Variants in IGF2BP2 observed in about 807,000 individuals in gnomAD.
IGF2BP2 encodes the protein insulin like growth factor 2 mRNA binding protein 2, also known as insulin-like growth factor 2 mRNA-binding protein 2.
Under a neutral mutation model 75.8 loss-of-function variants are expected in IGF2BP2, and 17 were observed. The ratio of observed to expected loss-of-function variants is 0.22; its 90% confidence interval spans 0.15 to 0.34. The LOEUF (loss-of-function observed/expected upper bound fraction) is 0.34. Ranked by LOEUF, IGF2BP2 falls within the 10% of genes least tolerant of loss-of-function variation. IGF2BP2 has a pLI of 1.00. For synonymous variants in IGF2BP2, 288 were observed against 295.6 expected, an observed-to-expected ratio of 0.97 and a Z score of 0.26; for missense variants, 516 against 772.4, an observed-to-expected ratio of 0.67 and a Z score of 3.93.
chr3:185,785,584 C>T (rs919222395), intron 2 of IGF2BP2, among the ~76,000 whole-genome samples: 1 of 151,664 alleles, frequency 6.6e-6, no homozygotes, highest in Non-Finnish European at 1.5e-5. Flanking sequence ...CTTGGGAGAC[C>T]AAGGTAGAAG....
chr3:185,761,375 A>G (rs187031454), intron 2 of IGF2BP2, among the ~76,000 whole-genome samples: 12 of 152,314 alleles, frequency 7.9e-5, no homozygotes, highest in Non-Finnish European at 1.8e-4. Flanking sequence ...AAGAAAACAG[A>G]CATGGAAGGT....
intron 2 of IGF2BP2, among the ~76,000 whole-genome samples, chr3:185,802,897 A>C (rs1230870917): frequency 1.3e-5 from 2 of 152,240 alleles, no homozygotes; most frequent in East Asian, 1.9e-4. Context: ...CTAATGTAGC[A>C]GGGGTAAGCC....
intron 15 of IGF2BP2, chr3:185,646,741 C>T: frequency 2.4e-6 from 1 of 418,064 alleles, no homozygotes; most frequent in Non-Finnish European, 4.5e-6. Context: ...TGCCCTTAAA[C>T]ACTGCAGGGG....
At chr3:185,710,508 G>A (rs1466239772) in intron 2 of IGF2BP2, among the ~76,000 whole-genome samples, 1 of 152,140 alleles carries the variant, frequency 6.6e-6, no homozygotes, top group East Asian at 1.9e-4. Flanking sequence ...CGAGGCGGGC[G>A]GATCACTTGA....
At chr3:185,699,368 G>A (rs1306508497) in intron 2 of IGF2BP2, among the ~76,000 whole-genome samples, 1 of 152,114 alleles carries the variant, frequency 6.6e-6, no homozygotes, top group Non-Finnish European at 1.5e-5. Flanking sequence ...GCTCAAACAG[G>A]ACAGGTGAGG....
intron 7 of IGF2BP2, among the ~76,000 whole-genome samples, chr3:185,682,276 C>A (rs1031960322): frequency 2.0e-5 from 3 of 152,116 alleles, no homozygotes; most frequent in African/African-American, 7.2e-5. Context: ...TAATCACCTG[C>A]ATTAATTAAT....
At chr3:185,659,838 A>G in intron 10 of IGF2BP2, among the ~76,000 whole-genome samples, 1 of 151,230 alleles carries the variant, frequency 6.6e-6, no homozygotes, top group East Asian at 2.0e-4. Context: ...CTCGTTGACT[A>G]GGCTGGAGTG....
chr3:185,695,546 A>C (rs1202245617), intron 4 of IGF2BP2, among the ~76,000 whole-genome samples: 1 of 152,234 alleles, frequency 6.6e-6, no homozygotes, highest in Non-Finnish European at 1.5e-5. Context: ...AGGCAAAAAT[A>C]ATCTTTATCA....
intron 2 of IGF2BP2, among the ~76,000 whole-genome samples, chr3:185,760,566 C>T (rs920439495): frequency 3.3e-5 from 5 of 152,212 alleles, no homozygotes; most frequent in African/African-American, 2.4e-5. Context: ...CGCCCCTTCC[C>T]GGCCCCTGGC....
chr3:185,658,813 G>A (rs1441310268), intron 10 of IGF2BP2, among the ~76,000 whole-genome samples: 2 of 152,148 alleles, frequency 1.3e-5, no homozygotes, highest in South Asian at 2.1e-4. Context: ...ATGATGAGTC[G>A]TAGATGAAAA....
chr3:185,824,165 G>C (rs1454071698), intron 1 of IGF2BP2, among the ~76,000 whole-genome samples: 1 of 151,758 alleles, frequency 6.6e-6, no homozygotes, highest in Non-Finnish European at 1.5e-5. Context: ...GTCGTGCGAG[G>C]GCTGGGGCTG....
At chr3:185,718,458 C>T (rs768422471) in intron 2 of IGF2BP2, among the ~76,000 whole-genome samples, 1 of 151,906 alleles carries the variant, frequency 6.6e-6, no homozygotes. Context: ...GAGGCCGAGG[C>T]GGGCAGATCA....
intron 2 of IGF2BP2, chr3:185,722,102 C>CTTT (rs111343732): frequency 2.7e-4 from 70 of 260,732 alleles, no homozygotes; most frequent in South Asian, 5.6e-4. Context: ...TTTTTTTTTT[C>CTTT]TTTTTTTTTT....
chr3:185,684,494 T>C (rs1720839258), intron 7 of IGF2BP2, among the ~76,000 whole-genome samples: 1 of 151,916 alleles, frequency 6.6e-6, no homozygotes, highest in African/African-American at 2.4e-5. Context: ...AACCTCCACC[T>C]CCCAGGTTCA....
chr3:185,693,646 A>G (rs1488325981), intron 4 of IGF2BP2, among the ~76,000 whole-genome samples: 1 of 152,220 alleles, frequency 6.6e-6, no homozygotes, highest in Non-Finnish European at 1.5e-5. Flanking sequence ...GAAATTAAAA[A>G]TAAATTCAAA....
intron 14 of IGF2BP2, among the ~76,000 whole-genome samples, chr3:185,648,247 G>A (rs985103447): frequency 7.2e-5 from 11 of 152,158 alleles, no homozygotes; most frequent in East Asian, 1.9e-4. Context: ...ACCTGAGGTC[G>A]GGAGTTCGAG....
At chr3:185,727,490 A>C (rs1401054826) in intron 2 of IGF2BP2, among the ~76,000 whole-genome samples, 1 of 152,204 alleles carries the variant, frequency 6.6e-6, no homozygotes, top group East Asian at 1.9e-4. Context: ...ACAGGTGAAC[A>C]AAAAGGTAGT....
At chr3:185,771,907 T>C (rs1733928714) in intron 2 of IGF2BP2, among the ~76,000 whole-genome samples, 1 of 152,158 alleles carries the variant, frequency 6.6e-6, no homozygotes, top group Admixed American at 6.5e-5. Context: ...AGAGGTGGGC[T>C]TCTGGAGGCG....
intron 2 of IGF2BP2, among the ~76,000 whole-genome samples, chr3:185,702,074 T>A (rs1013317792): frequency 2.0e-5 from 3 of 152,134 alleles, no homozygotes; most frequent in Non-Finnish European, 4.4e-5. Flanking sequence ...CACTTTTCGG[T>A]TGTTCTGGTA....
Sources: allele counts gnomAD v4.1 joint callset (sites outside exome capture counted in the v4.1 genomes callset), GRCh38; gene constraint gnomAD v4.1.1; transcripts MANE v1.5; gene names NCBI Gene and HGNC (gene_info 2026-07-23, HGNC 2026-07-21).